Variants in UGT2B17 observed in about 807,000 individuals in gnomAD.
The protein encoded by UGT2B17 is UDP-glucuronosyltransferase 2B17.
Under a neutral mutation model 48.2 loss-of-function variants are expected in UGT2B17, and 21 were observed. The observed-to-expected ratio is 0.44, with a 90% CI of 0.31 to 0.63. The LOEUF (loss-of-function observed/expected upper bound fraction) is 0.63, where lower values mean the gene tolerates loss of function less well. UGT2B17 is among the 20% of genes least tolerant of loss of function. The pLI is 0.08. For synonymous variants in UGT2B17, 146 were observed against 238.4 expected (o/e 0.61, Z 3.57); for missense variants, 402 against 696.1 (o/e 0.58, Z 4.75).
At position 68,567,754 on chromosome 4, in the gene UGT2B17, G is replaced by A; in HGVS notation, c.724+7C>T. Reference sequence around the variant, plus strand: ...CTTAATAAACACCAATTGGACACACGACTTACCTAGAACTTCACTATAAAA... The same window carrying A: ...CTTAATAAACACCAATTGGACACACAACTTACCTAGAACTTCACTATAAAA... On this transcript the variant is annotated splice_region_variant and intron_variant, in intron 2 of 6. Coordinates refer to ENST00000317746, the MANE Select transcript of UGT2B17 (RefSeq NM_001077.4). The A allele has an allele frequency of 7.6e-7, 1 of 1,308,826 alleles. No individual in the cohort carries two copies. The highest frequency in any genetic ancestry group is 9.8e-7 in the Non-Finnish European group (1 of 1,023,400). The allele number at this position is 1,308,826 out of a possible 1,614,324, so 81.1% of individuals were successfully genotyped here.
Position 68,551,065 on chromosome 4 carries a change from G to T in UGT2B17, c.1094-169C>A, listed in dbSNP as rs578177560. Among the ~76,000 whole-genome samples, 9 of 125,962 alleles carry T rather than the reference G, an allele frequency of 7.1e-5. 1 individual carries two copies. The highest frequency in any genetic ancestry group is 1.6e-4 in the African/African-American group (6 of 37,096). The allele number at this position is 125,962 out of a possible 152,430, so 82.6% of individuals were successfully genotyped here. A position where few individuals can be genotyped will look rare whatever the true frequency, so the allele number is the denominator to read the frequency against. ...TTCAGAGGAAGAAGCACCTACTTCT[G>T]CTGGAAAGGTAAGTGAAGGCTACAT... On this transcript the variant is annotated intron_variant, in intron 5 of 6. Coordinates refer to ENST00000317746, the MANE Select transcript of UGT2B17 (RefSeq NM_001077.4).
At chr4:68,570,229 T>C (rs1440650672) in intron 1 of UGT2B17, among the ~76,000 whole-genome samples, 1 of 127,156 alleles carries the variant, frequency 7.9e-6, no homozygotes, top group Non-Finnish European at 1.7e-5. Flanking sequence ...ACACTAAAGA[T>C]TTCACATGAA....
intron 6 of UGT2B17, among the ~76,000 whole-genome samples, chr4:68,540,978 T>C (rs1730644318): frequency 7.9e-6 from 1 of 125,948 alleles, no homozygotes; most frequent in Admixed American, 8.2e-5. Flanking sequence ...CATAATCTCA[T>C]TCCTTTTTAT....
rs1252111393 is a variant in UGT2B17, at chr4:68,568,095, A to G, written c.390T>C (p.Asp130=). 6 of 1,383,234 alleles carry G rather than the reference A, an allele frequency of 4.3e-6. 1 individual carries two copies. The highest frequency in any genetic ancestry group is 2.8e-6 in the Non-Finnish European group (3 of 1,055,550). 85.7% of individuals were successfully genotyped at this position (1,383,234 alleles called of 1,614,324 possible). A position where few individuals can be genotyped will look rare whatever the true frequency, so the allele number is the denominator to read the frequency against. ...YSDYNIKLCE[D]AVLNKKLMRK... ...TCATAAGTTTCTTGTTCAAAACTGCATCTTCACAGAGCTTTATATTATAGT... is the reference window on the plus strand; with the variant it reads ...TCATAAGTTTCTTGTTCAAAACTGCGTCTTCACAGAGCTTTATATTATAGT... Residue 130 remains aspartate (D), a synonymous_variant, in exon 2 of 7, where the codon GAT becomes GAC. Coordinates refer to ENST00000317746, the MANE Select transcript of UGT2B17 (RefSeq NM_001077.4).
At position 68,574,952 on chromosome 4, in the gene UGT2B17, C is replaced by CA. The variant is rs1161782021; in HGVS notation, c.-65+998_-65+999insT. 5.7e-5 allele frequency among the ~76,000 whole-genome samples: 4 copies of CA among 69,634 alleles called. 1 individual carries two copies. The highest frequency in any genetic ancestry group is 3.9e-4 in the Admixed American group (3 of 7,624). 45.7% of individuals were successfully genotyped at this position (69,634 alleles called of 152,430 possible). A position where few individuals can be genotyped will look rare whatever the true frequency, so the allele number is the denominator to read the frequency against. The stretch of plus-strand genomic sequence containing the variant: ...TTACATAAATTTTACCTCCTCCCCC[C>CA]CCTTTTTTTTTTGAAGATAACCATT... On this transcript the variant is annotated intron_variant, in intron 1 of 6. Transcript: ENST00000317746.
chr4:68,559,404 G>T lies in UGT2B17; in HGVS notation c.1005+1133C>A, dbSNP rs1430088812. ...AGAAAATTGTATTTTGCTACTTTTTGCTTAACTGATCTTTCACACTTAGAT... is the reference window on the plus strand; with the variant it reads ...AGAAAATTGTATTTTGCTACTTTTTTCTTAACTGATCTTTCACACTTAGAT... On this transcript the variant is annotated intron_variant, in intron 4 of 6. Transcript: ENST00000317746. 5.6e-5 allele frequency among the ~76,000 whole-genome samples: 7 copies of T among 125,948 alleles called. 2 individuals carry two copies. Among genetic ancestry groups the T allele is most frequent in the African/African-American group, 1.9e-4 (7 of 36,942 alleles). 82.6% of individuals were successfully genotyped at this position (125,948 alleles called of 152,430 possible). A position where few individuals can be genotyped will look rare whatever the true frequency, so the allele number is the denominator to read the frequency against.
At chr4:68,550,555 T>C in intron 6 of UGT2B17, 122 bp downstream of exon 6, 2 of 755,510 alleles carry the variant, frequency 2.6e-6, no homozygotes, top group Non-Finnish European at 3.6e-6. Flanking sequence ...GAGCAGATTT[T>C]ACATTGGTTA....
chr4:68,538,006 A>G (rs1361020902), intron 6 of UGT2B17, 102 bp from the exon 7 acceptor site: 1 of 826,668 alleles, frequency 1.2e-6, no homozygotes, highest in Non-Finnish European at 1.6e-6. Context: ...AAGTGATTCA[A>G]AGTAAGTGTC....
Position 68,547,408 on chromosome 4 carries a change from T to G in UGT2B17, c.1313+3269A>C. Among the ~76,000 whole-genome samples the G allele has an allele frequency of 1.6e-5, 2 of 126,540 alleles. 1 individual carries two copies. The highest frequency in any genetic ancestry group is 3.3e-5 in the Non-Finnish European group (2 of 59,722). 83.0% of individuals were successfully genotyped at this position (126,540 alleles called of 152,430 possible). A position where few individuals can be genotyped will look rare whatever the true frequency, so the allele number is the denominator to read the frequency against. On this transcript the variant is annotated intron_variant, in intron 6 of 6. Transcript: ENST00000317746. ...TGAAACTGGATACCTTCCTTACACC[T>G]TATACAAAAATTAATTGAAGATGGA... is the stretch of plus-strand genomic sequence containing the variant.
At chr4:68,571,470 G>C (rs1300838819) in intron 1 of UGT2B17, among the ~76,000 whole-genome samples, 1 of 126,472 alleles carries the variant, frequency 7.9e-6, no homozygotes, top group Non-Finnish European at 1.7e-5. Flanking sequence ...TTACTGAATG[G>C]ATTTCTTTCT....
rs1416244524 is a variant in UGT2B17 at position 68,574,974 on chromosome 4, C to A, written c.-65+977G>T. On this transcript the variant is annotated intron_variant, in intron 1 of 6. Transcript: ENST00000317746. ...CCCCCCTTTTTTTTTTGAAGATAAC[C>A]ATTCCTTTTTTTTAAAAAGTGAACT... Among the ~76,000 whole-genome samples, 8 of 117,498 alleles carry A rather than the reference C, an allele frequency of 6.8e-5. 2 individuals carry two copies. The Admixed American group carries it at 7.1e-4, about 10-fold the overall frequency. 77.1% of individuals were successfully genotyped at this position (117,498 alleles called of 152,430 possible). A position where few individuals can be genotyped will look rare whatever the true frequency, so the allele number is the denominator to read the frequency against.
At chr4:68,542,698 TA>T (rs1283775845) in intron 6 of UGT2B17, among the ~76,000 whole-genome samples, 1 of 126,942 alleles carries the variant, frequency 7.9e-6, no homozygotes, top group Non-Finnish European at 1.7e-5. Context: ...TAGCCAAGGA[TA>T]GGGGTAACAG....
chr4:68,548,364 G>T lies in UGT2B17; in HGVS notation c.1313+2313C>A, dbSNP rs1467533487. 4.0e-5 allele frequency among the ~76,000 whole-genome samples: 5 copies of T among 124,878 alleles called. 1 individual carries two copies. Among genetic ancestry groups the T allele is most frequent in the African/African-American group, 1.4e-4 (5 of 36,562 alleles). The allele number at this position is 124,878 out of a possible 152,430, so 81.9% of individuals were successfully genotyped here. On this transcript the variant is annotated intron_variant, in intron 6 of 6. Coordinates refer to ENST00000317746, the MANE Select transcript of UGT2B17 (RefSeq NM_001077.4). ...ACCGCATGTTCTCACTCATAGGTGG[G>T]AATTGAACAATGAGAACACGAGGAC... is the stretch of plus-strand genomic sequence containing the variant.
Position 68,571,981 on chromosome 4 carries a change from C to A in UGT2B17, c.-64-3433G>T, listed in dbSNP as rs1731302641. Among the ~76,000 whole-genome samples the A allele has an allele frequency of 3.2e-5, 4 of 123,972 alleles. 2 individuals carry two copies. In the Admixed American group the frequency reaches 3.3e-4, roughly 10 times the overall value. 81.3% of individuals were successfully genotyped at this position (123,972 alleles called of 152,430 possible). ...ATTTTTCTTTTATTTTACTTTGGGT[C>A]TGAGGGGTTTGTGATTATCAATTCT... On this transcript the variant is annotated intron_variant, in intron 1 of 6. Coordinates refer to ENST00000317746, the MANE Select transcript of UGT2B17 (RefSeq NM_001077.4).
At chr4:68,570,395 AT>A (rs1169627639) in intron 1 of UGT2B17, among the ~76,000 whole-genome samples, 1 of 126,774 alleles carries the variant, frequency 7.9e-6, no homozygotes, top group Non-Finnish European at 1.7e-5. Context: ...TTATGAGTTG[AT>A]TTTTAACTAC....
At chr4:68,539,596 A>T (rs1730616902) in intron 6 of UGT2B17, among the ~76,000 whole-genome samples, 1 of 124,124 alleles carries the variant, frequency 8.1e-6, no homozygotes, top group South Asian at 3.7e-4. Context: ...TGAATTTTTT[A>T]AAAAATATTT....
intron 6 of UGT2B17, among the ~76,000 whole-genome samples, chr4:68,540,865 G>C (rs1416906291): frequency 8.0e-6 from 1 of 124,352 alleles, no homozygotes; most frequent in African/African-American, 2.8e-5. Flanking sequence ...CTCATTTTTC[G>C]ACTCCCTCTT....
At position 68,567,941 on chromosome 4, in the gene UGT2B17, C is replaced by G; in HGVS notation, c.544G>C (p.Glu182Gln). 7.2e-7 allele frequency: 1 copy of G among 1,380,684 alleles called. No individual in the cohort carries two copies. The highest frequency in any genetic ancestry group is 9.5e-7 in the Non-Finnish European group (1 of 1,054,970). The allele number at this position is 1,380,684 out of a possible 1,614,324, so 85.5% of individuals were successfully genotyped here. ...SLRFSVGYTV[E>Q]KNGGGFLFPP... is the part of the protein sequence containing the mutation. ...AACAGAAATCCTCCACCATTCTTCT[C>G]AACTGTGTAGCCAACAGAGAAGCGG... Residue 182 changes from glutamate (E) to glutamine (Q), a missense_variant, in exon 2 of 7, where the codon GAG becomes CAG. Glu to Gln is a conservative substitution (Grantham distance 29). Coordinates refer to ENST00000317746, the MANE Select transcript of UGT2B17 (RefSeq NM_001077.4).
At position 68,546,937 on chromosome 4, in the gene UGT2B17, C is replaced by A. The variant is rs1233745690; in HGVS notation, c.1313+3740G>T. Among the ~76,000 whole-genome samples the A allele has an allele frequency of 9.6e-5, 12 of 125,108 alleles. 3 individuals carry two copies. Among genetic ancestry groups the A allele is most frequent in the African/African-American group, 3.3e-4 (12 of 36,680 alleles). The allele number at this position is 125,108 out of a possible 152,430, so 82.1% of individuals were successfully genotyped here. ...CAAGGAAATAAAAGAGGAAACAAACCAATGGAAGAACGTTCCATGCTCATG... is the reference window on the plus strand; with the variant it reads ...CAAGGAAATAAAAGAGGAAACAAACAAATGGAAGAACGTTCCATGCTCATG... On this transcript the variant is annotated intron_variant, in intron 6 of 6. Coordinates refer to ENST00000317746, the MANE Select transcript of UGT2B17 (RefSeq NM_001077.4).
Sources: allele counts gnomAD v4.1 joint callset (sites outside exome capture counted in the v4.1 genomes callset), GRCh38; gene constraint gnomAD v4.1.1; transcripts MANE v1.5; gene names NCBI Gene and HGNC (gene_info 2026-07-23, HGNC 2026-07-21).